The following AIG1 variants were observed in gnomAD, a reference collection of about 807,000 sequenced individuals.
AIG1 encodes the protein androgen induced 1.
AIG1 carries 23 observed loss-of-function variants against 31.4 expected under a neutral mutation model. The ratio of observed to expected loss-of-function variants is 0.73; its 90% CI spans 0.53 to 1.04. The LOEUF is 1.04. AIG1 is among the 50% of genes least tolerant of loss of function. The pLI is 0.00. For missense variants in AIG1, 274 were observed against 295.0 expected (o/e 0.93, Z 0.52); for synonymous variants, 100 against 110.5 (o/e 0.90, Z 0.60).
At chr6:143,183,153 G>A (rs1027702403) in intron 3 of AIG1, among the ~76,000 whole-genome samples, 3 of 151,794 alleles carry the variant, frequency 2.0e-5, no homozygotes, top group African/African-American at 7.3e-5. Context: ...TGTTTTATCT[G>A]GGTATTAGTT....
rs1798135409 is a variant in AIG1 at position 143,292,678 on chromosome 6, GA to G, written c.515+8460del. On this transcript the variant is annotated intron_variant, in intron 4 of 5. Coordinates refer to ENST00000357847, the MANE Select transcript of AIG1 (RefSeq NM_016108.4). The surrounding 1 kb of genome is among the most constrained non-coding windows in gnomAD (Gnocchi z 4.9). ...CTGTGGCAATGTGTCATAGTAGCAA[GA>G]AAAAAACGAATACTTGAACAAATCA... 6.6e-6 allele frequency among the ~76,000 whole-genome samples: 1 copy of G among 152,092 alleles called. No individual in the cohort carries two copies. Among genetic ancestry groups the G allele is most frequent in the Admixed American group, 6.5e-5 (1 of 15,272 alleles).
chr6:143,153,008 G>T (rs1483070337), intron 2 of AIG1, among the ~76,000 whole-genome samples: 2 of 152,160 alleles, frequency 1.3e-5, no homozygotes, highest in African/African-American at 4.8e-5. Context: ...GATTGGTGTG[G>T]TTTCAGCCTA....
intron 1 of AIG1, among the ~76,000 whole-genome samples, chr6:143,071,232 C>T (rs1168969310): frequency 6.6e-6 from 1 of 152,144 alleles, no homozygotes; most frequent in African/African-American, 2.4e-5. Flanking sequence ...AGAATAATTA[C>T]CTAGAAAGTC....
chr6:143,096,519 C>T (rs1426925853), intron 1 of AIG1, among the ~76,000 whole-genome samples: 1 of 152,144 alleles, frequency 6.6e-6, no homozygotes, highest in African/African-American at 2.4e-5. Context: ...AAAGACCTCA[C>T]CCAGTCAGAT....
At chr6:143,182,279 C>T (rs1788803002) in intron 3 of AIG1, among the ~76,000 whole-genome samples, 1 of 152,182 alleles carries the variant, frequency 6.6e-6, no homozygotes, top group African/African-American at 2.4e-5. Flanking sequence ...AGCAATCCTC[C>T]TGCCTCAGCC....
At chr6:143,140,814 A>G (rs1784183100) in intron 2 of AIG1, among the ~76,000 whole-genome samples, 1 of 152,212 alleles carries the variant, frequency 6.6e-6, no homozygotes, top group South Asian at 2.1e-4. Flanking sequence ...TGGTGGACAC[A>G]GTCAAAATCC....
At chr6:143,099,529 T>G (rs1780067615) in intron 1 of AIG1, 1 of 152,202 alleles carries the variant, frequency 6.6e-6, no homozygotes, top group Non-Finnish European at 1.5e-5. Context: ...AGACTGTAAT[T>G]TTGCCTCCTG....
intron 3 of AIG1, among the ~76,000 whole-genome samples, chr6:143,246,287 G>A (rs1268295254): frequency 6.6e-6 from 1 of 151,416 alleles, no homozygotes; most frequent in Non-Finnish European, 1.5e-5. Context: ...AAAAAAAGAG[G>A]TTTAATGGAC....
At chr6:143,177,958 G>C (rs891838038) in intron 3 of AIG1, among the ~76,000 whole-genome samples, 24 of 152,312 alleles carry the variant, frequency 1.6e-4, no homozygotes, top group African/African-American at 5.8e-4. Context: ...TTGCTCTGGA[G>C]GGAGCAGGTT....
At chr6:143,148,442 G>A (rs1010210421) in intron 2 of AIG1, among the ~76,000 whole-genome samples, 1 of 152,088 alleles carries the variant, frequency 6.6e-6, no homozygotes, top group Admixed American at 6.5e-5. Flanking sequence ...CCAGGAGGTG[G>A]AGGTTTTAGT....
chr6:143,204,409 G>A (rs927264979), intron 3 of AIG1, among the ~76,000 whole-genome samples: 64 of 152,194 alleles, frequency 4.2e-4, no homozygotes, highest in African/African-American at 1.4e-3. Context: ...TTGGCAGCTT[G>A]TAGTTCCCAG....
chr6:143,154,094 G>T (rs984198510), intron 2 of AIG1, among the ~76,000 whole-genome samples: 1 of 151,704 alleles, frequency 6.6e-6, no homozygotes, highest in East Asian at 1.9e-4. Context: ...TACTCCCCTC[G>T]CAAAAAAGTT....
rs1166719971 is a variant in AIG1, at chr6:143,326,370, AGTTCTTTCCTCCC to A, written c.516-6911_516-6899del. ...TAGACATGCCTTTTTTTGGCTAGAA[AGTTCTTTCCTCCC>A]ATCTTTACTCAATGAATTCTTATCC... On this transcript the variant is annotated intron_variant, in intron 4 of 5. Transcript: ENST00000357847. The surrounding 1 kb of genome is among the most constrained non-coding windows in gnomAD (Gnocchi z 4.5). Among the ~76,000 whole-genome samples the A allele has an allele frequency of 4.3e-3, 650 of 152,184 alleles. 4 individuals are homozygous for A. The highest frequency in any genetic ancestry group is 0.015 in the African/African-American group (625 of 41,514).
intron 2 of AIG1, among the ~76,000 whole-genome samples, chr6:143,159,120 A>G (rs1271860882): frequency 6.6e-6 from 1 of 152,244 alleles, no homozygotes; most frequent in Non-Finnish European, 1.5e-5. Flanking sequence ...TAGATGTGAA[A>G]GAACAGAGAA....
chr6:143,102,055 A>G (rs1434759088), intron 1 of AIG1, among the ~76,000 whole-genome samples: 6 of 152,166 alleles, frequency 3.9e-5, no homozygotes, highest in Non-Finnish European at 7.3e-5. Flanking sequence ...GTATTAATAT[A>G]TTCCTGAAAA....
intron 4 of AIG1, among the ~76,000 whole-genome samples, chr6:143,304,438 G>A (rs553811015): frequency 1.1e-4 from 16 of 150,838 alleles, no homozygotes; most frequent in South Asian, 6.3e-4. Context: ...AGCATGAAGC[G>A]TTGTTGAATT....
intron 4 of AIG1, among the ~76,000 whole-genome samples, chr6:143,321,142 G>A (rs1256122792): frequency 1.3e-5 from 2 of 151,708 alleles, no homozygotes; most frequent in African/African-American, 4.8e-5. Context: ...TATGTTAAAT[G>A]TTTGTATCAC....
chr6:143,146,445 A>T (rs1437565438), intron 2 of AIG1, among the ~76,000 whole-genome samples: 1 of 151,746 alleles, frequency 6.6e-6, no homozygotes, highest in Non-Finnish European at 1.5e-5. Context: ...GAAAAAAAGG[A>T]TTCACACTTC....
At chr6:143,095,737 C>T (rs1272811682) in intron 1 of AIG1, among the ~76,000 whole-genome samples, 1 of 151,936 alleles carries the variant, frequency 6.6e-6, no homozygotes, top group African/African-American at 2.4e-5. Flanking sequence ...CTTGTTTTTT[C>T]ATCCCTTTAT....
Sources: gnomAD v4.1 joint callset for allele counts (sites outside exome capture counted in the v4.1 genomes callset) on GRCh38, gnomAD v4.1.1 for gene constraint, Gnocchi (gnomAD v3.1) non-coding constraint, MANE v1.5 for transcripts, NCBI Gene and HGNC (gene_info 2026-07-23, HGNC 2026-07-21) for gene names.